The following FRMPD4 variants were observed in gnomAD, a reference collection of about 807,000 sequenced individuals.
The protein encoded by FRMPD4 is FERM and PDZ domain-containing protein 4.
A neutral mutation model predicts 94.1 loss-of-function variants in FRMPD4; 22 were observed. The ratio of observed to expected loss-of-function variants is 0.23; its 90% CI spans 0.17 to 0.33. The LOEUF is 0.33. Among genes scored for constraint, FRMPD4 ranks in the 10% least tolerant of loss-of-function variants. The probability of loss-of-function intolerance (pLI) is 1.00; values close to 1 mark genes in which losing one functional copy is unlikely to be tolerated. For synonymous variants in FRMPD4, 631 were observed against 548.6 expected (o/e 1.15, Z -2.10); for missense variants, 1,111 against 1,339.9 (o/e 0.83, Z 2.67).
intron 1 of FRMPD4, among the ~76,000 whole-genome samples, chrX:12,197,947 C>T (rs1032776293): frequency 1.8e-5 from 2 of 111,788 alleles, no homozygotes; most frequent in Non-Finnish European, 3.8e-5. Context: ...ATGTCTCAGT[C>T]CCATTTATAA....
chrX:12,593,338 T>C (rs2059000273), intron 2 of FRMPD4, among the ~76,000 whole-genome samples: 1 of 112,091 alleles, frequency 8.9e-6, no homozygotes, highest in Non-Finnish European at 1.9e-5. Flanking sequence ...TTCTCATTCA[T>C]TTATCCTCAA....
At chrX:12,342,246 C>A (rs1035383968) in intron 1 of FRMPD4, among the ~76,000 whole-genome samples, 1 of 112,042 alleles carries the variant, frequency 8.9e-6, no homozygotes, top group African/African-American at 3.2e-5. Context: ...TATCTGAAAG[C>A]AAATAGGTAT....
chrX:12,195,472 C>T (rs2056555777), intron 1 of FRMPD4, among the ~76,000 whole-genome samples: 1 of 112,234 alleles, frequency 8.9e-6, no homozygotes, highest in Non-Finnish European at 1.9e-5. Context: ...GATGAGGCCA[C>T]ATAAGCACTC....
At chrX:12,463,394 C>T (rs759555828) in intron 1 of FRMPD4, among the ~76,000 whole-genome samples, 2 of 111,949 alleles carry the variant, frequency 1.8e-5, no homozygotes, top group South Asian at 7.5e-4. Context: ...CACTCTCCTC[C>T]CTAGTCTGTA....
chrX:12,557,329 A>G (rs2058606374), intron 2 of FRMPD4, among the ~76,000 whole-genome samples: 1 of 111,472 alleles, frequency 9.0e-6, no homozygotes, highest in African/African-American at 3.3e-5. Context: ...TAGATGGTGA[A>G]TATTTCCTTT....
At chrX:12,091,254 A>G in intron 3 of FRMPD4, among the ~76,000 whole-genome samples, 1 of 83,466 alleles carries the variant, frequency 1.2e-5, no homozygotes, top group Non-Finnish European at 2.7e-5. Flanking sequence ...CTGAACTAGG[A>G]TTTTAAAAAA....
At chrX:12,648,453 C>A (rs1338942153) in intron 4 of FRMPD4, among the ~76,000 whole-genome samples, 2 of 111,675 alleles carry the variant, frequency 1.8e-5, no homozygotes, top group Admixed American at 9.6e-5. Context: ...CCTCCTATAT[C>A]TCGCATGTTG....
At chrX:12,490,544 A>G (rs1183777284) in intron 1 of FRMPD4, among the ~76,000 whole-genome samples, 2 of 112,377 alleles carry the variant, frequency 1.8e-5, no homozygotes, top group African/African-American at 6.5e-5. Context: ...TATATGCATT[A>G]AAGAATGTGT....
intron 1 of FRMPD4, among the ~76,000 whole-genome samples, chrX:12,213,685 A>G (rs2056776872): frequency 8.9e-6 from 1 of 112,112 alleles, no homozygotes; most frequent in Non-Finnish European, 1.9e-5. Flanking sequence ...CTCAATGTTA[A>G]GAGTGTGGAC....
At chrX:12,140,141 C>T (rs1273834234) in intron 1 of FRMPD4, among the ~76,000 whole-genome samples, 4 of 112,168 alleles carry the variant, frequency 3.6e-5, no homozygotes, top group Non-Finnish European at 7.5e-5. Context: ...CCATTCTCTC[C>T]GACATCTACA....
At chrX:12,051,958 TCAG>T (rs1449734803) in intron 3 of FRMPD4, among the ~76,000 whole-genome samples, 4 of 111,919 alleles carry the variant, frequency 3.6e-5, no homozygotes, top group African/African-American at 6.5e-5. Context: ...AATAACTTGG[TCAG>T]TGGAGGTACT....
At chrX:12,520,046 T>C (rs987054205) in intron 2 of FRMPD4, among the ~76,000 whole-genome samples, 2 of 112,186 alleles carry the variant, frequency 1.8e-5, no homozygotes, top group Admixed American at 9.4e-5. Flanking sequence ...CACTAGTGTG[T>C]ATACATCCAA....
chrX:11,841,160 G>A (rs1467974630), intron 1 of FRMPD4, among the ~76,000 whole-genome samples: 1 of 108,371 alleles, frequency 9.2e-6, no homozygotes, highest in Admixed American at 9.9e-5. Context: ...TGGACATTTG[G>A]GTTGGTTCCA....
intron 4 of FRMPD4, among the ~76,000 whole-genome samples, chrX:12,669,327 G>C (rs2059815478): frequency 1.8e-5 from 2 of 111,913 alleles, no homozygotes; most frequent in African/African-American, 6.5e-5. Context: ...GAGTTTGGAA[G>C]TGAATCCTTC....
In FRMPD4 at chrX:12,227,601, G is replaced by T. The variant is rs1319307978; in HGVS notation, c.41+88589G>T. Among the ~76,000 whole-genome samples, 7 of 111,341 alleles carry T rather than the reference G, an allele frequency of 6.3e-5. No individual in the cohort carries two copies. The Admixed American group carries it at 6.7e-4, about 11-fold the overall frequency. ...GGATGGCTCAAGCCTAGGAATTAGA[G>T]GCCAGCCTGGGCAACATAGTGAGAC... On this transcript the variant is annotated intron_variant, in intron 1 of 16. Coordinates refer to ENST00000675598, the MANE Select transcript of FRMPD4 (RefSeq NM_001368397.1).
chrX:12,304,332 A>T (rs1394907840), intron 1 of FRMPD4, among the ~76,000 whole-genome samples: 1 of 111,042 alleles, frequency 9.0e-6, no homozygotes, highest in African/African-American at 3.3e-5. Flanking sequence ...TTGACATTAG[A>T]GGCTTGATAA....
intron 3 of FRMPD4, among the ~76,000 whole-genome samples, chrX:12,022,353 C>T: frequency 9.0e-6 from 1 of 111,205 alleles, no homozygotes; most frequent in Non-Finnish European, 1.9e-5. Context: ...TGAGTTCACT[C>T]TTCCTTGAGA....
At chrX:12,393,765 A>G (rs2056507523) in intron 1 of FRMPD4, among the ~76,000 whole-genome samples, 1 of 112,114 alleles carries the variant, frequency 8.9e-6, no homozygotes, top group Admixed American at 9.4e-5. Context: ...TTTCTCAAGT[A>G]ATCCATTTGT....
At chrX:12,419,212 C>T (rs145315930) in intron 1 of FRMPD4, among the ~76,000 whole-genome samples, 3,782 of 111,333 alleles carry the variant, frequency 0.034, 171 homozygotes, top group African/African-American at 0.12. Context: ...ACTACATCAC[C>T]TCCTCCCCCT....
Sources: gnomAD v4.1 joint callset for allele counts (sites outside exome capture counted in the v4.1 genomes callset) on GRCh38, gnomAD v4.1.1 for gene constraint, MANE v1.5 for transcripts, NCBI Gene and HGNC (gene_info 2026-07-23, HGNC 2026-07-21) for gene names.